PRRC2B: variants seen among roughly 807,000 people sequenced by gnomAD.
PRRC2B encodes the protein proline rich coiled-coil 2B.
A neutral mutation model predicts 242.3 loss-of-function variants in PRRC2B; 68 were observed. That is an observed-to-expected ratio of 0.28 (90% CI 0.23 to 0.34). The LOEUF (loss-of-function observed/expected upper bound fraction) is 0.34, where lower values mean the gene tolerates loss of function less well. Among genes scored for constraint, PRRC2B ranks in the 10% least tolerant of loss-of-function variants. PRRC2B has a pLI of 1.00. For missense variants in PRRC2B, 2,835 were observed against 2,954.8 expected (o/e 0.96, Z 0.94); for synonymous variants, 1,228 against 1,173.6 (o/e 1.05, Z -0.95).
rs1838089486 is a variant in PRRC2B at position 131,430,134 on chromosome 9, ATT to A, written c.-9_-8del. The A allele has an allele frequency of 6.4e-7, 1 of 1,566,544 alleles. No individual in the cohort carries two copies. The highest frequency in any genetic ancestry group is 1.4e-5 in the African/African-American group (1 of 72,750). On this transcript the variant is annotated 5_prime_UTR_variant, in exon 2 of 32. Coordinates refer to ENST00000683519, the MANE Select transcript of PRRC2B (RefSeq NM_013318.4). ...GAGAAAAATTTCCTTACTAGATGAC[ATT>A]TCATCGCAATGTCCGATCGTTTGGG...
At chr9:131,473,790 C>A (rs1003809683) in intron 15 of PRRC2B, 66 bp downstream of exon 15, 51 of 1,291,708 alleles carry the variant, frequency 3.9e-5, no homozygotes, top group Non-Finnish European at 5.3e-5. Flanking sequence ...ATTGAGAGGG[C>A]CCTGGGATGA....
At chr9:131,378,088 A>G (rs1024160713) in intron 1 of PRRC2B, among the ~76,000 whole-genome samples, 1 of 152,018 alleles carries the variant, frequency 6.6e-6, no homozygotes, top group Non-Finnish European at 1.5e-5. Context: ...AGGCAGGTGG[A>G]TCATGAGATC....
At chr9:131,397,727 G>A (rs1263658902) in intron 1 of PRRC2B, among the ~76,000 whole-genome samples, 1 of 151,938 alleles carries the variant, frequency 6.6e-6, no homozygotes, top group Non-Finnish European at 1.5e-5. Flanking sequence ...GTCAATTCAT[G>A]TATTTCTGAA....
intron 5 of PRRC2B, among the ~76,000 whole-genome samples, chr9:131,442,084 G>T (rs1293240761): frequency 6.6e-6 from 1 of 152,074 alleles, no homozygotes; most frequent in African/African-American, 2.4e-5. Flanking sequence ...AGCAATGTTG[G>T]ACAGGTGCTG....
At chr9:131,399,276 C>CAAAA (rs72492020) in intron 1 of PRRC2B, among the ~76,000 whole-genome samples, 10 of 44,218 alleles carry the variant, frequency 2.3e-4, no homozygotes, top group Admixed American at 2.8e-4. Context: ...AATTCTGTCT[C>CAAAA]AAAAAAAAAA....
rs773826105 is a variant in PRRC2B at position 131,465,020 on chromosome 9, C to T, written c.1662C>T (p.Pro554=). 3.1e-6 allele frequency: 5 copies of T among 1,613,970 alleles called. No homozygotes were observed. Among genetic ancestry groups the T allele is most frequent in the African/African-American group, 1.3e-5 (1 of 75,034 alleles). Residue 554 remains proline, a synonymous_variant, in exon 12 of 32, where the codon CCC becomes CCT. Transcript: ENST00000683519. Reference sequence around the variant, plus strand: ...GGAAGCAGGCAGAGAAGGAAGTGCCCTGGTCTCCAAGTGCTGAGAAGGCAT... The same window carrying T: ...GGAAGCAGGCAGAGAAGGAAGTGCCTTGGTCTCCAAGTGCTGAGAAGGCAT... ...EARKQAEKEV[P]WSPSAEKASP... is the part of the protein sequence containing the mutation.
chr9:131,473,624 C>T lies in PRRC2B; in HGVS notation c.2224C>T (p.Pro742Ser), dbSNP rs145914427. The T allele has an allele frequency of 6.2e-7, 1 of 1,613,714 alleles. No homozygotes were observed. The highest frequency in any genetic ancestry group is 1.1e-5 in the South Asian group (1 of 91,046). ...AAAAGTGACCCCCATCGACTCACCC[C>T]CTGTGTGGAGCCCAGAGGGCTACAT... is the stretch of plus-strand genomic sequence containing the variant. The part of the protein sequence containing the change: ...ERKVTPIDSP[P>S]VWSPEGYMAL... The change falls in exon 15 of 32, where the codon CCT becomes TCT. Residue 742 changes from proline (P) to serine (S), a missense_variant. Physicochemically the swap from Pro to Ser is moderately conservative, Grantham distance 74 (BLOSUM62 -1). Coordinates refer to ENST00000683519, the MANE Select transcript of PRRC2B (RefSeq NM_013318.4).
At chr9:131,389,081 A>G (rs144961993) in intron 1 of PRRC2B, among the ~76,000 whole-genome samples, 1,975 of 148,994 alleles carry the variant, frequency 0.013, 70 homozygotes, top group African/African-American at 0.044. Flanking sequence ...AGCTCAGGCA[A>G]TCCACCCACC....
At chr9:131,442,009 T>C (rs1441096409) in intron 5 of PRRC2B, among the ~76,000 whole-genome samples, 1 of 152,196 alleles carries the variant, frequency 6.6e-6, no homozygotes, top group Non-Finnish European at 1.5e-5. Context: ...TTTATCCTTA[T>C]TAAGATTAAT....
At chr9:131,425,031 A>G (rs532425454) in intron 1 of PRRC2B, among the ~76,000 whole-genome samples, 10 of 152,192 alleles carry the variant, frequency 6.6e-5, no homozygotes, top group Admixed American at 2.0e-4. Context: ...CAATGGCGCA[A>G]TCTTGGCTCA....
At position 131,459,170 on chromosome 9, in the gene PRRC2B, T is replaced by C. The variant is rs756930015; in HGVS notation, c.1218T>C (p.Ser406=). ...CAAATGTGGTTTGTCCTAGGAACAG[T>C]TGGGACCCTAGGAGGCAGCGGCAGT... ...VVKDGRPKWN[S]WDPRRQRQLS... Residue 406 remains serine (S), a synonymous_variant, in exon 11 of 32, where the codon AGT becomes AGC. Coordinates refer to ENST00000683519, the MANE Select transcript of PRRC2B (RefSeq NM_013318.4). The C allele has an allele frequency of 4.3e-6, 7 of 1,613,630 alleles. No individual in the cohort carries two copies. Among genetic ancestry groups the C allele is most frequent in the African/African-American group, 4.0e-5 (3 of 74,926 alleles).
intron 1 of PRRC2B, among the ~76,000 whole-genome samples, chr9:131,423,715 G>A (rs1837908480): frequency 6.6e-6 from 1 of 152,180 alleles, no homozygotes; most frequent in Admixed American, 6.5e-5. Context: ...TTTCTCTTCA[G>A]GCTGCCGGCC....
rs755244513 is a variant in PRRC2B at position 131,473,692 on chromosome 9, G to A, written c.2292G>A (p.Ser764=). 3.0e-5 allele frequency: 49 copies of A among 1,613,542 alleles called. No individual in the cohort carries two copies. The East Asian group carries it at 9.4e-4, about 31-fold the overall frequency. The change falls in exon 15 of 32, where the codon TCG becomes TCA. Residue 764 remains serine (S), a synonymous_variant. Coordinates refer to ENST00000683519, the MANE Select transcript of PRRC2B (RefSeq NM_013318.4). ...GCTACCCGCTCCCGCACCCGAAGTC[G>A]AGTGACACCTTGGCTATGGACATGC... is the stretch of plus-strand genomic sequence containing the variant. ...SKGYPLPHPK[S]SDTLAMDMRV... is the part of the protein sequence containing the mutation.
intron 1 of PRRC2B, among the ~76,000 whole-genome samples, chr9:131,379,573 CG>C (rs1425588515): frequency 2.7e-5 from 4 of 150,652 alleles, no homozygotes; most frequent in African/African-American, 9.7e-5. Context: ...ATGTGCTCAT[CG>C]GCCATGTGTA....
At chr9:131,409,281 CA>C (rs1837446625) in intron 1 of PRRC2B, among the ~76,000 whole-genome samples, 1 of 152,224 alleles carries the variant, frequency 6.6e-6, no homozygotes, top group South Asian at 2.1e-4. Context: ...CTTGGCCTCC[CA>C]AAATGCTGGG....
At position 131,446,131 on chromosome 9, in the gene PRRC2B, G is replaced by C. The variant is rs191842221; in HGVS notation, c.614-270G>C. Among the ~76,000 whole-genome samples the C allele has an allele frequency of 2.6e-5, 4 of 152,272 alleles. No homozygotes were observed. The East Asian group carries it at 7.7e-4, about 29-fold the overall frequency. On this transcript the variant is annotated intron_variant, in intron 6 of 31. Coordinates refer to ENST00000683519, the MANE Select transcript of PRRC2B (RefSeq NM_013318.4). The surrounding 1 kb of genome is among the most constrained non-coding windows in gnomAD (Gnocchi z 4.1). ...TGGGTTGTGAGACTTGGGGAAGGGT[G>C]GTGATTGTTGCTTACTGATGAAGCC...
At position 131,491,557 on chromosome 9, in the gene PRRC2B, C is replaced by T; in HGVS notation, c.6358C>T (p.Pro2120Ser). The stretch of plus-strand genomic sequence containing the variant: ...GATTCCTCCGCCCGGGTCCCAGCCG[C>T]CAGTCCTGAACACCAGCAGAGAGGT... ...RRIPPPGSQPPVLNTSREPSQ... is the reference protein window; with the variant it reads ...RRIPPPGSQPSVLNTSREPSQ... The change falls in exon 29 of 32, where the codon CCA becomes TCA. Residue 2120 changes from proline to serine, a missense_variant. Physicochemically the swap from Pro to Ser is moderately conservative, Grantham distance 74. Transcript: ENST00000683519. The T allele has an allele frequency of 6.2e-7, 1 of 1,611,848 alleles. No homozygotes were observed. The highest frequency in any genetic ancestry group is 8.5e-7 in the Non-Finnish European group (1 of 1,179,264).
At chr9:131,485,467 G>A (rs1238854896) in intron 25 of PRRC2B, among the ~76,000 whole-genome samples, 1 of 152,196 alleles carries the variant, frequency 6.6e-6, no homozygotes, top group Non-Finnish European at 1.5e-5. Context: ...CTCTTGCCGA[G>A]CCACAGTGTC....
At chr9:131,485,720 C>G (rs766504298) in intron 25 of PRRC2B, 1 of 565,594 alleles carries the variant, frequency 1.8e-6, no homozygotes, top group Non-Finnish European at 3.4e-6. Flanking sequence ...GACTCAATAG[C>G]AGGGAGATGA....
Sources: allele counts gnomAD v4.1 joint callset (sites outside exome capture counted in the v4.1 genomes callset), GRCh38; gene constraint gnomAD v4.1.1; non-coding constraint Gnocchi (gnomAD v3.1); transcripts MANE v1.5; gene names NCBI Gene and HGNC (gene_info 2026-07-23, HGNC 2026-07-21).